TREH: variants seen among roughly 807,000 people sequenced by gnomAD.
TREH encodes the protein alpha,alpha-trehalose glucohydrolase.
A neutral mutation model predicts 80.5 loss-of-function variants in TREH; 69 were observed. The ratio of observed to expected loss-of-function variants is 0.86; its 90% CI spans 0.71 to 1.05. The LOEUF (loss-of-function observed/expected upper bound fraction) is 1.05, where lower values mean the gene tolerates loss of function less well. Ranked by LOEUF, TREH falls within the 50% of genes least tolerant of loss-of-function variation. The pLI, the probability that TREH is intolerant of heterozygous loss-of-function variation, is 0.00. For missense variants in TREH, 716 were observed against 718.8 expected (o/e 1.00, Z 0.04); for synonymous variants, 309 against 293.5 (o/e 1.05, Z -0.54).
In TREH at chr11:118,663,124, G is replaced by T; in HGVS notation, c.263C>A (p.Ala88Glu). The change falls in exon 3 of 15, where the codon GCG becomes GAG. Residue 88 changes from alanine (A) to glutamate (E), a missense_variant. By Grantham distance (107) the Ala-to-Glu change is moderately radical. Transcript: ENST00000264029. ...NHSIPREQLQ[A>E]FVHEHFQAKG... ...GGCCTGGAAGTGTTCGTGGACAAAC[G>T]CCTGCAGCTGCTCCCTGGGGATGCT... 1 of 1,613,956 alleles carries T rather than the reference G, an allele frequency of 6.2e-7. No homozygotes were observed. Among genetic ancestry groups the T allele is most frequent in the Non-Finnish European group, 8.5e-7 (1 of 1,179,880 alleles).
chr11:118,669,913 A>G (rs1267458086), intron 1 of TREH, among the ~76,000 whole-genome samples: 1 of 152,072 alleles, frequency 6.6e-6, no homozygotes, highest in African/African-American at 2.4e-5. Context: ...CACCCCATGT[A>G]CCCTGATGTC....
At position 118,661,914 on chromosome 11, in the gene TREH, C is replaced by T. The variant is rs529472872; in HGVS notation, c.500G>A (p.Gly167Asp). Residue 167 changes from glycine to aspartate, a missense_variant, in exon 5 of 15, where the codon GGT (glycine) becomes GAT (aspartate). Physicochemically the swap from Gly to Asp is moderately conservative, Grantham distance 94. Transcript: ENST00000264029. The surrounding 1 kb of genome is among the most constrained non-coding windows in gnomAD (Gnocchi z 4.2). Reference protein sequence around the residue: ...YSEHPFIVPGGRFVEFYYWDS... With the variant: ...YSEHPFIVPGDRFVEFYYWDS... ...CCAGTAGTAGAACTCAACAAAGCGA[C>T]CGCCAGGCACAATGAAGGGATGTTC... The T allele has an allele frequency of 3.9e-6, 6 of 1,555,978 alleles. No individual in the cohort carries two copies. Among genetic ancestry groups the T allele is most frequent in the Admixed American group, 2.0e-5 (1 of 51,250 alleles).
Position 118,662,889 on chromosome 11 carries a change from C to A in TREH, c.415G>T (p.Gly139Trp). Residue 139 changes from glycine (G) to tryptophan (W), a missense_variant, in exon 4 of 15, where the codon GGG becomes TGG. Physicochemically the swap from Gly to Trp is radical, Grantham distance 184. Transcript: ENST00000264029. ...GQLHQLWKKL[G>W]KKMKPEVLSH... is the part of the protein sequence containing the mutation. ...GCCCAGGACGCTGATACCTTCTTCCCCAGCTTCTTCCAGAGCTGATGCAGC... is the reference window on the plus strand; with the variant it reads ...GCCCAGGACGCTGATACCTTCTTCCACAGCTTCTTCCAGAGCTGATGCAGC... 1.3e-6 allele frequency: 2 copies of A among 1,587,958 alleles called. No individual in the cohort carries two copies. Among genetic ancestry groups the A allele is most frequent in the East Asian group, 2.3e-5 (1 of 43,528 alleles).
In TREH at chr11:118,658,025, G is replaced by A. The variant is rs1565520769; in HGVS notation, c.*264C>T. 3 of 522,712 alleles carry A rather than the reference G, an allele frequency of 5.7e-6. No homozygotes were observed. Among genetic ancestry groups the A allele is most frequent in the East Asian group, 3.0e-5 (1 of 33,192 alleles). 32.4% of individuals were successfully genotyped at this position (522,712 alleles called of 1,614,324 possible). On this transcript the variant is annotated 3_prime_UTR_variant, in exon 15 of 15. Coordinates refer to ENST00000264029, the MANE Select transcript of TREH (RefSeq NM_007180.3). ...CAGAACAATAAAGCCTTTGGACTAC[G>A]GAAGTGAGTGGAAGGCCGGTGTGGG...
chr11:118,658,672 C>G lies in TREH; in HGVS notation c.1599+8G>C, dbSNP rs1555144040. On this transcript the variant is annotated splice_region_variant and intron_variant, in intron 14 of 14. Coordinates refer to ENST00000264029, the MANE Select transcript of TREH (RefSeq NM_007180.3). ...TGGTGTTGGCCAGCCCACCCCTGGC[C>G]TGCTCACCTGAACTTCATATTCTCC... is the stretch of plus-strand genomic sequence containing the variant. 2 of 1,586,268 alleles carry G rather than the reference C, an allele frequency of 1.3e-6. No homozygotes were observed. The highest frequency in any genetic ancestry group is 1.3e-5 in the African/African-American group (1 of 74,264).
chr11:118,665,518 T>C (rs532413807), intron 1 of TREH, among the ~76,000 whole-genome samples: 1 of 152,180 alleles, frequency 6.6e-6, no homozygotes, highest in South Asian at 2.1e-4. Context: ...CGGGTGCCTG[T>C]AGTCCCAGCT....
rs782453516 is a variant in TREH at position 118,662,914 on chromosome 11, C to T, written c.390G>A (p.Gln130=). 1.2e-6 allele frequency: 2 copies of T among 1,605,176 alleles called. No individual in the cohort carries two copies. The highest frequency in any genetic ancestry group is 1.3e-5 in the African/African-American group (1 of 74,780). Residue 130 remains glutamine (Q), a synonymous_variant, in exon 4 of 15, where the codon CAG becomes CAA. Coordinates refer to ENST00000264029, the MANE Select transcript of TREH (RefSeq NM_007180.3). ...SDAKLRAWAG[Q]LHQLWKKLGK... ...CCAGCTTCTTCCAGAGCTGATGCAG[C>T]TGCCCTGCCCAGGCACGCAGTTTGG...
chr11:118,669,720 G>A (rs1397091460), intron 1 of TREH, among the ~76,000 whole-genome samples: 3 of 152,194 alleles, frequency 2.0e-5, no homozygotes, highest in Non-Finnish European at 2.9e-5. Flanking sequence ...TATAGTGGCA[G>A]GAGTCGCAGG....
chr11:118,662,787 C>A, intron 4 of TREH, 94 bp downstream of exon 4: 1 of 1,428,730 alleles, frequency 7.0e-7, no homozygotes, highest in Non-Finnish European at 9.6e-7. Context: ...GGAAAGGAAA[C>A]CTGATCTGTG....
At chr11:118,662,457 T>C (rs547884281) in intron 4 of TREH, among the ~76,000 whole-genome samples, 1 of 152,362 alleles carries the variant, frequency 6.6e-6, no homozygotes, top group Admixed American at 6.5e-5. Context: ...GGGATGTGGA[T>C]GAGCAAAGTA....
chr11:118,658,351 C>T lies in TREH; in HGVS notation c.1690G>A (p.Glu564Lys), dbSNP rs1555143771. The change falls in exon 15 of 15, where the codon GAG (glutamate) becomes AAG (lysine). Residue 564 changes from glutamate to lysine, a missense_variant. By Grantham distance (56) the Glu-to-Lys change is moderately conservative. Transcript: ENST00000264029. ...LTSGAKLAFL[E>K]PHCLAATLLP... The stretch of plus-strand genomic sequence containing the variant: ...AGGGTGGCCGCCAGGCAGTGGGGCT[C>T]CAGGAAAGCCAGCTTGGCCCCTGAG... The T allele has an allele frequency of 6.2e-7, 1 of 1,602,126 alleles. No individual in the cohort carries two copies. Among genetic ancestry groups the T allele is most frequent in the Admixed American group, 1.7e-5 (1 of 58,460 alleles).
chr11:118,662,984 C>G lies in TREH; in HGVS notation c.336-16G>C, dbSNP rs782451148. The G allele has an allele frequency of 6.2e-7, 1 of 1,611,574 alleles. No homozygotes were observed. The highest frequency in any genetic ancestry group is 1.3e-5 in the African/African-American group (1 of 75,000). On this transcript the variant is annotated splice_polypyrimidine_tract_variant and intron_variant, in intron 3 of 14. Transcript: ENST00000264029. The stretch of plus-strand genomic sequence containing the variant: ...GAACTGGGGGCTGAAAGAACACAGG[C>G]CCCACAGGGTTCAAGGAGGCAGCTC...
intron 1 of TREH, among the ~76,000 whole-genome samples, chr11:118,667,551 C>T (rs1360346894): frequency 1.3e-5 from 2 of 152,126 alleles, no homozygotes; most frequent in East Asian, 1.9e-4. Flanking sequence ...CATGATTTGT[C>T]CAAATTCTCC....
intron 9 of TREH, 28 bp downstream of exon 9, chr11:118,660,838 A>C (rs893234651): frequency 1.3e-6 from 2 of 1,559,084 alleles, no homozygotes; most frequent in Non-Finnish European, 1.7e-6. Context: ...CCCTGCCCCC[A>C]GCCCTCCCTC....
chr11:118,661,176 G>A lies in TREH; in HGVS notation c.841C>T (p.Pro281Ser), dbSNP rs782222036. 6.2e-7 allele frequency: 1 copy of A among 1,613,890 alleles called. No individual in the cohort carries two copies. Among genetic ancestry groups the A allele is most frequent in the Non-Finnish European group, 8.5e-7 (1 of 1,179,886 alleles). ...KNYLLNRYYV[P>S]YGGPRPESYS... ...GTTCCTCACCTGGGTCCCCCATAAGGGACATAATAGCGATTCAGGAGGTAG... is the reference window on the plus strand; with the variant it reads ...GTTCCTCACCTGGGTCCCCCATAAGAGACATAATAGCGATTCAGGAGGTAG... Residue 281 changes from proline (P) to serine (S), a missense_variant, in exon 8 of 15, where the codon CCT becomes TCT. Physicochemically the swap from Pro to Ser is moderately conservative, Grantham distance 74 (BLOSUM62 -1). Transcript: ENST00000264029. This position sits in a 1 kb window ranked among gnomAD's most constrained non-coding sequence, Gnocchi z 4.2.
intron 1 of TREH, among the ~76,000 whole-genome samples, chr11:118,667,654 G>A (rs775233299): frequency 2.6e-5 from 4 of 152,106 alleles, no homozygotes; most frequent in Non-Finnish European, 5.9e-5. Context: ...TCCACTCATC[G>A]AACCCTACTA....
Position 118,674,559 on chromosome 11 carries a change from T to G in TREH, c.89+4980A>C, listed in dbSNP as rs1381457203. On this transcript the variant is annotated intron_variant, in intron 1 of 14. Transcript: ENST00000264029. This position sits in a 1 kb window ranked among gnomAD's most constrained non-coding sequence, Gnocchi z 4.4. Reference sequence around the variant, plus strand: ...TTTTTGTTTTGTTTTGTTTTGTTTTTGAGATGGAGTTTCGCTCTTGTTGCC... The same window carrying G: ...TTTTTGTTTTGTTTTGTTTTGTTTTGGAGATGGAGTTTCGCTCTTGTTGCC... Among the ~76,000 whole-genome samples, 8 of 152,224 alleles carry G rather than the reference T, an allele frequency of 5.3e-5. No homozygotes were observed. The highest frequency in any genetic ancestry group is 1.9e-4 in the African/African-American group (8 of 41,464).
At chr11:118,676,108 C>T (rs1949476477) in intron 1 of TREH, among the ~76,000 whole-genome samples, 1 of 152,214 alleles carries the variant, frequency 6.6e-6, no homozygotes, top group South Asian at 2.1e-4. Context: ...CCAGCCCCTT[C>T]TCCTCCCTGA....
chr11:118,658,985 C>T lies in TREH; in HGVS notation c.1465G>A (p.Glu489Lys). 1.2e-6 allele frequency: 2 copies of T among 1,613,876 alleles called. No homozygotes were observed. The highest frequency in any genetic ancestry group is 1.6e-4 in the Middle Eastern group (1 of 6,062). Reference protein sequence around the residue: ...LAKAPLRRAQEVAFQLAQNWI... With the variant: ...LAKAPLRRAQKVAFQLAQNWI... Reference sequence around the variant, plus strand: ...TTCTGAGCCAGCTGGAAAGCCACTTCCTGGGCCCGACGTAAAGGTGCCTTG... The same window carrying T: ...TTCTGAGCCAGCTGGAAAGCCACTTTCTGGGCCCGACGTAAAGGTGCCTTG... Residue 489 changes from glutamate to lysine, a missense_variant, in exon 13 of 15, where the codon GAA (glutamate) becomes AAA (lysine). Physicochemically the swap from Glu to Lys is moderately conservative, Grantham distance 56. Coordinates refer to ENST00000264029, the MANE Select transcript of TREH (RefSeq NM_007180.3).
Sources: allele counts gnomAD v4.1 joint callset (sites outside exome capture counted in the v4.1 genomes callset), GRCh38; gene constraint gnomAD v4.1.1; non-coding constraint Gnocchi (gnomAD v3.1); transcripts MANE v1.5; gene names NCBI Gene and HGNC (gene_info 2026-07-23, HGNC 2026-07-21).